SLC9A9: variants seen among roughly 807,000 people sequenced by gnomAD.
SLC9A9 encodes solute carrier family 9 member A9.
A neutral mutation model predicts 77.8 loss-of-function variants in SLC9A9; 62 were observed. The observed-to-expected ratio is 0.80, with a 90% CI of 0.65 to 0.98. The LOEUF is 0.98. SLC9A9 is among the 50% of genes least tolerant of loss of function. The pLI is 0.00. For synonymous variants in SLC9A9, 320 were observed against 283.5 expected, an observed-to-expected ratio of 1.13 and a Z score of -1.29; for missense variants, 775 against 774.9, an observed-to-expected ratio of 1.00 and a Z score of 0.00.
chr3:143,266,266 C>A lies in SLC9A9; in HGVS notation c.*436G>T. On this transcript the variant is annotated 3_prime_UTR_variant, in exon 16 of 16. Coordinates refer to ENST00000316549, the MANE Select transcript of SLC9A9 (RefSeq NM_173653.4). ...CACTTACTAAATAGCTGGGCATTCC[C>A]TTCAGCTTAGGAGCAAAATGTTTAC... 1.7e-6 allele frequency: 1 copy of A among 600,086 alleles called. No individual in the cohort carries two copies. The allele number at this position is 600,086 out of a possible 1,614,324, so 37.2% of individuals were successfully genotyped here.
At chr3:143,405,623 AT>A (rs2033961557) in intron 12 of SLC9A9, among the ~76,000 whole-genome samples, 1 of 152,164 alleles carries the variant, frequency 6.6e-6, no homozygotes, top group Non-Finnish European at 1.5e-5. Flanking sequence ...AGGGAGCATT[AT>A]TTTTTAAAAC....
At chr3:143,409,452 A>G (rs2034050356) in intron 12 of SLC9A9, among the ~76,000 whole-genome samples, 1 of 152,210 alleles carries the variant, frequency 6.6e-6, no homozygotes, top group Non-Finnish European at 1.5e-5. Context: ...AGCCTCAAAC[A>G]GTACACCAGA....
At chr3:143,466,531 G>T (rs982065464) in intron 12 of SLC9A9, among the ~76,000 whole-genome samples, 1 of 152,186 alleles carries the variant, frequency 6.6e-6, no homozygotes, top group Non-Finnish European at 1.5e-5. Flanking sequence ...TGTCTAACTT[G>T]TGTCTATAGC....
At chr3:143,691,851 T>C (rs1186761829) in intron 5 of SLC9A9, among the ~76,000 whole-genome samples, 1 of 152,136 alleles carries the variant, frequency 6.6e-6, no homozygotes, top group Non-Finnish European at 1.5e-5. Context: ...CCCCATGGTA[T>C]TCACTTTCAT....
chr3:143,766,434 G>A (rs16854253), intron 4 of SLC9A9, among the ~76,000 whole-genome samples: 1,788 of 152,304 alleles, frequency 0.012, 32 homozygotes, highest in African/African-American at 0.04. Context: ...TTGGAGGATG[G>A]CTACCACATA....
At chr3:143,523,701 A>G (rs550798883) in intron 9 of SLC9A9, among the ~76,000 whole-genome samples, 1 of 152,288 alleles carries the variant, frequency 6.6e-6, no homozygotes, top group Admixed American at 6.5e-5. Context: ...GATGAAGGGT[A>G]ATCATTATCA....
At chr3:143,468,164 C>A (rs1158169650) in intron 11 of SLC9A9, among the ~76,000 whole-genome samples, 2 of 152,158 alleles carry the variant, frequency 1.3e-5, no homozygotes, top group Non-Finnish European at 2.9e-5. Flanking sequence ...CGTAAGTTTT[C>A]ATTTCCCTGA....
chr3:143,435,788 C>A (rs2034611559), intron 12 of SLC9A9, among the ~76,000 whole-genome samples: 1 of 152,094 alleles, frequency 6.6e-6, no homozygotes, highest in South Asian at 2.1e-4. Context: ...CTCCCCAAAG[C>A]CCCCTAGCTT....
chr3:143,743,679 C>T (rs1935138005), intron 4 of SLC9A9, among the ~76,000 whole-genome samples: 2 of 152,174 alleles, frequency 1.3e-5, no homozygotes, highest in African/African-American at 4.8e-5. Context: ...AACTCACATG[C>T]AAATCTCCTC....
chr3:143,658,449 C>A (rs1268874394), intron 5 of SLC9A9, among the ~76,000 whole-genome samples: 1 of 152,196 alleles, frequency 6.6e-6, no homozygotes, highest in Non-Finnish European at 1.5e-5. Flanking sequence ...ATGCAATAAC[C>A]AGCTGATTCT....
chr3:143,494,759 G>T (rs911294949), intron 10 of SLC9A9, among the ~76,000 whole-genome samples: 13 of 152,184 alleles, frequency 8.5e-5, no homozygotes, highest in African/African-American at 2.9e-4. Flanking sequence ...TAAAAGTGGG[G>T]TCTAGATTTC....
intron 2 of SLC9A9, among the ~76,000 whole-genome samples, chr3:143,817,912 C>CA (rs1415482352): frequency 1.3e-5 from 2 of 152,050 alleles, no homozygotes; most frequent in Non-Finnish European, 2.9e-5. Context: ...ACTAAAAAAT[C>CA]AAGCACATTT....
intron 12 of SLC9A9, among the ~76,000 whole-genome samples, chr3:143,427,009 A>G (rs35293756): frequency 0.031 from 4,711 of 152,326 alleles, 120 homozygotes; most frequent in Admixed American, 0.075. Flanking sequence ...TGGTATCTAC[A>G]AGGCATTATT....
intron 5 of SLC9A9, among the ~76,000 whole-genome samples, chr3:143,654,216 A>G (rs1287738839): frequency 6.6e-6 from 1 of 152,242 alleles, no homozygotes; most frequent in East Asian, 1.9e-4. Context: ...CAAGATATGC[A>G]TATTTCAAAA....
At position 143,266,837 on chromosome 3, in the gene SLC9A9, A is replaced by G; in HGVS notation, c.1803T>C (p.Pro601=). Reference sequence around the variant, plus strand: ...TCTGGTCCAGACCTAGCCTTGCAGGAGGACTGCAGGGTGAGGAGGCTTGCT... The same window carrying G: ...TCTGGTCCAGACCTAGCCTTGCAGGGGGACTGCAGGGTGAGGAGGCTTGCT... The part of the protein sequence containing the change: ...YQEQASSPCS[P]PARLGLDQKA... The change falls in exon 16 of 16, where the codon CCT becomes CCC. Residue 601 remains proline (P), a synonymous_variant. Transcript: ENST00000316549. 14 of 1,614,134 alleles carry G rather than the reference A, an allele frequency of 8.7e-6. No individual in the cohort carries two copies. Among genetic ancestry groups the G allele is most frequent in the Non-Finnish European group, 1.2e-5 (14 of 1,180,024 alleles).
chr3:143,468,739 A>G (rs1283624987), intron 11 of SLC9A9, among the ~76,000 whole-genome samples: 1 of 152,264 alleles, frequency 6.6e-6, no homozygotes, highest in Non-Finnish European at 1.5e-5. Flanking sequence ...GAATGATTAC[A>G]TAGTTTTACA....
intron 14 of SLC9A9, among the ~76,000 whole-genome samples, chr3:143,316,914 G>A (rs186269779): frequency 6.6e-6 from 1 of 152,258 alleles, no homozygotes; most frequent in Non-Finnish European, 1.5e-5. Flanking sequence ...GAGAGGTCAA[G>A]TAGCTTGCAC....
intron 6 of SLC9A9, among the ~76,000 whole-genome samples, chr3:143,619,631 T>G (rs1236129356): frequency 1.3e-5 from 2 of 152,352 alleles, no homozygotes; most frequent in East Asian, 3.9e-4. Flanking sequence ...AATCCTCATT[T>G]TACCAGGACA....
intron 6 of SLC9A9, among the ~76,000 whole-genome samples, chr3:143,633,707 A>G (rs2038465586): frequency 6.6e-6 from 1 of 152,198 alleles, no homozygotes; most frequent in South Asian, 2.1e-4. Flanking sequence ...CATTGAACAT[A>G]TCTATAGCTA....
Sources: allele counts gnomAD v4.1 joint callset (sites outside exome capture counted in the v4.1 genomes callset), GRCh38; gene constraint gnomAD v4.1.1; transcripts MANE v1.5; gene names NCBI Gene and HGNC (gene_info 2026-07-23, HGNC 2026-07-21).